FBP2: variants seen among roughly 807,000 people sequenced by gnomAD.
The protein encoded by FBP2 is fructose-bisphosphatase 2.
A neutral mutation model predicts 31.6 loss-of-function variants in FBP2; 27 were observed. The ratio of observed to expected loss-of-function variants is 0.85; its 90% confidence interval spans 0.63 to 1.18. The LOEUF (loss-of-function observed/expected upper bound fraction) is 1.18. Ranked by LOEUF, FBP2 falls within the 50% of genes most tolerant of loss-of-function variation. FBP2 has a pLI of 0.00. For synonymous variants in FBP2, 168 were observed against 179.8 expected, an observed-to-expected ratio of 0.93 and a Z score of 0.53; for missense variants, 421 against 436.1, an observed-to-expected ratio of 0.97 and a Z score of 0.31.
chr9:94,574,915 T>C (rs768425359), intron 3 of FBP2, among the ~76,000 whole-genome samples: 1 of 152,198 alleles, frequency 6.6e-6, no homozygotes, highest in Non-Finnish European at 1.5e-5. Context: ...CAGTAAATTT[T>C]ATAGTAGTTT....
chr9:94,573,260 G>A (rs552263019), intron 3 of FBP2, among the ~76,000 whole-genome samples: 1 of 152,138 alleles, frequency 6.6e-6, no homozygotes, highest in African/African-American at 2.4e-5. Flanking sequence ...TGTTTTCTAA[G>A]ACTTTCTGTT....
At chr9:94,586,000 C>T (rs894225640) in intron 2 of FBP2, among the ~76,000 whole-genome samples, 8 of 152,188 alleles carry the variant, frequency 5.3e-5, no homozygotes, top group Admixed American at 3.3e-4. Flanking sequence ...TCCCAAAGCA[C>T]CGGGATTGCA....
chr9:94,568,991 T>C (rs544861253), intron 4 of FBP2: 1 of 152,364 alleles, frequency 6.6e-6, no homozygotes, highest in East Asian at 1.9e-4. Context: ...GCCTGCTAAA[T>C]CTAACTTCGG....
chr9:94,591,052 C>T (rs1252518726), intron 1 of FBP2, among the ~76,000 whole-genome samples: 2 of 152,284 alleles, frequency 1.3e-5, no homozygotes, highest in Admixed American at 6.5e-5. Flanking sequence ...TCCACGTCCC[C>T]ACCAGACTCA....
intron 1 of FBP2, among the ~76,000 whole-genome samples, chr9:94,591,454 C>T (rs1827502442): frequency 6.6e-6 from 1 of 151,734 alleles, no homozygotes; most frequent in South Asian, 2.1e-4. Flanking sequence ...GCCCGCCAAG[C>T]CCACGCCCAC....
chr9:94,563,792 G>A (rs1827144925), intron 5 of FBP2, among the ~76,000 whole-genome samples: 1 of 152,062 alleles, frequency 6.6e-6, no homozygotes, highest in Non-Finnish European at 1.5e-5. Flanking sequence ...CAAAATAAAG[G>A]GATGGAAGCC....
chr9:94,561,956 A>C (rs1827111829), intron 6 of FBP2, among the ~76,000 whole-genome samples: 1 of 152,154 alleles, frequency 6.6e-6, no homozygotes, highest in Admixed American at 6.5e-5. Context: ...AATAATTAGT[A>C]ATAACTGATC....
intron 1 of FBP2, among the ~76,000 whole-genome samples, chr9:94,590,185 G>GT (rs1827477199): frequency 6.6e-6 from 1 of 152,126 alleles, no homozygotes; most frequent in Admixed American, 6.5e-5. Flanking sequence ...GAGATGATGG[G>GT]GGAAAGGGGC....
rs538371586 is a variant in FBP2 at position 94,584,745 on chromosome 9, G to A, written c.334-76C>T. The stretch of plus-strand genomic sequence containing the variant: ...CAATTGCTCTGTGTCAGGGCTGTGC[G>A]TGGCAGAGTACACCACATCAAAAAG... On this transcript the variant is annotated intron_variant, in intron 2 of 6. Coordinates refer to ENST00000375337, the MANE Select transcript of FBP2 (RefSeq NM_003837.4). The A allele has an allele frequency of 1.4e-3, 1,172 of 865,084 alleles. 8 individuals are homozygous for A. Among genetic ancestry groups the A allele is most frequent in the Non-Finnish European group, 6.7e-4 (339 of 505,086 alleles). 53.6% of individuals were successfully genotyped at this position (865,084 alleles called of 1,614,324 possible).
chr9:94,577,884 ATATGT>A (rs1827332304), intron 3 of FBP2: 1 of 152,216 alleles, frequency 6.6e-6, no homozygotes. Context: ...ACATGTTTAG[ATATGT>A]TTATGTAATG....
intron 3 of FBP2, among the ~76,000 whole-genome samples, chr9:94,582,794 C>T (rs189318170): frequency 3.3e-5 from 5 of 151,604 alleles, no homozygotes; most frequent in East Asian, 2.0e-4. Flanking sequence ...GTGATTCGCC[C>T]GCCTCGGCCT....
chr9:94,568,127 CA>C (rs34691750), intron 4 of FBP2: 19 of 140,782 alleles, frequency 1.3e-4, no homozygotes, highest in South Asian at 2.3e-4. Context: ...GACTCCATCT[CA>C]AAAAAAAAAA....
intron 1 of FBP2, among the ~76,000 whole-genome samples, chr9:94,591,435 G>C (rs618272): frequency 0.83 from 125,986 of 152,094 alleles, 52,360 homozygotes; most frequent in East Asian, 0.95. Flanking sequence ...CTGGCTGCTC[G>C]GAGTGCGGGC....
In FBP2 at chr9:94,558,820, T is replaced by C. The variant is rs1164303775; in HGVS notation, c.*118A>G. ...AGCAGTTTGTTGTTGCTCTTCTGTA[T>C]GTGATTAAGTGGATTTACCTTTTGT... On this transcript the variant is annotated 3_prime_UTR_variant, in exon 7 of 7. Transcript: ENST00000375337. 8.7e-6 allele frequency: 8 copies of C among 923,332 alleles called. No individual in the cohort carries two copies. The highest frequency in any genetic ancestry group is 1.4e-5 in the Non-Finnish European group (8 of 586,236). 57.2% of individuals were successfully genotyped at this position (923,332 alleles called of 1,614,324 possible). A position where few individuals can be genotyped will look rare whatever the true frequency, so the allele number is the denominator to read the frequency against.
At chr9:94,568,905 T>C (rs558990) in intron 4 of FBP2, 138,772 of 152,198 alleles carry the variant, frequency 0.91, 63,332 homozygotes, top group Non-Finnish European at 0.92. Flanking sequence ...TCTTTAGAAT[T>C]ACCAAGCAAA....
In FBP2 at chr9:94,593,579, G is replaced by A. The variant is rs376034537; in HGVS notation, c.148C>T (p.Arg50Cys). The change falls in exon 1 of 7, where the codon CGC becomes TGC. Residue 50 changes from arginine to cysteine, a missense_variant. Physicochemically the swap from Arg to Cys is radical, Grantham distance 180 (BLOSUM62 -3). Transcript: ENST00000375337. ...CACAGGTGGGCCAGACCGGCCTTGC[G>A]CACAGCCGAGGAGATGGCTTTGATG... ...TAIKAISSAV[R>C]KAGLAHLYGI... The A allele has an allele frequency of 2.5e-5, 40 of 1,613,816 alleles. No individual in the cohort carries two copies. Among genetic ancestry groups the A allele is most frequent in the Admixed American group, 1.5e-4 (9 of 60,000 alleles).
At chr9:94,585,116 T>A (rs1280293309) in intron 2 of FBP2, among the ~76,000 whole-genome samples, 1 of 152,150 alleles carries the variant, frequency 6.6e-6, no homozygotes, top group Admixed American at 6.5e-5. Context: ...TCCCTCCACT[T>A]GATTTAGTTT....
At chr9:94,579,095 T>C (rs1169448532) in intron 3 of FBP2, among the ~76,000 whole-genome samples, 4 of 127,188 alleles carry the variant, frequency 3.1e-5, no homozygotes, top group Non-Finnish European at 6.4e-5. Context: ...GAGAATAATT[T>C]TATATATTAA....
intron 1 of FBP2, among the ~76,000 whole-genome samples, chr9:94,592,103 T>C (rs1402623739): frequency 2.6e-5 from 4 of 152,194 alleles, no homozygotes; most frequent in Non-Finnish European, 5.9e-5. Flanking sequence ...AAAGTCCCTG[T>C]CTACCGTCAC....
Sources: allele counts gnomAD v4.1 joint callset (sites outside exome capture counted in the v4.1 genomes callset), GRCh38; gene constraint gnomAD v4.1.1; transcripts MANE v1.5; gene names NCBI Gene and HGNC (gene_info 2026-07-23, HGNC 2026-07-21).